The following TPM4 variants were observed in gnomAD, a reference collection of about 807,000 sequenced individuals.
TPM4 encodes tropomyosin alpha-4 chain.
TPM4 carries 17 observed loss-of-function variants against 35.8 expected under a neutral mutation model. That is an observed-to-expected ratio of 0.47 (90% CI 0.32 to 0.71). The LOEUF (loss-of-function observed/expected upper bound fraction) is 0.71. TPM4 is among the 30% of genes least tolerant of loss of function. TPM4 has a pLI of 0.03. For missense variants in TPM4, 240 were observed against 320.9 expected, an observed-to-expected ratio of 0.75 and a Z score of 1.93; for synonymous variants, 120 against 122.9, an observed-to-expected ratio of 0.98 and a Z score of 0.15.
At chr19:16,084,842 G>A (rs2090528321) in intron 2 of TPM4, among the ~76,000 whole-genome samples, 2 of 152,208 alleles carry the variant, frequency 1.3e-5, no homozygotes, top group South Asian at 4.1e-4. Flanking sequence ...GACACCCCAC[G>A]TGAACATATT....
At chr19:16,068,572 G>A (rs903910752) in intron 2 of TPM4, among the ~76,000 whole-genome samples, 1 of 152,152 alleles carries the variant, frequency 6.6e-6, no homozygotes, top group African/African-American at 2.4e-5. Context: ...GTGTCTGTGT[G>A]TACATGTATT....
intron 1 of TPM4, chr19:16,080,069 G>A (rs904333998): frequency 3.7e-5 from 7 of 189,440 alleles, no homozygotes; most frequent in African/African-American, 1.4e-4. Context: ...GAAAAAGCTA[G>A]CGTGGCTTCC....
At position 16,099,234 on chromosome 19, in the gene TPM4, C is replaced by A. The variant is rs570576575; in HGVS notation, c.665-2030C>A. Reference sequence around the variant, plus strand: ...AGCTGGGATTACAGGTGTGCGCCACCACACCCGGCTAATTTTTTGTATTTT... The same window carrying A: ...AGCTGGGATTACAGGTGTGCGCCACAACACCCGGCTAATTTTTTGTATTTT... On this transcript the variant is annotated intron_variant, in intron 7 of 7. Transcript: ENST00000643579. Among the ~76,000 whole-genome samples, 242 of 152,168 alleles carry A rather than the reference C, an allele frequency of 1.6e-3. 1 individual carries two copies. Among genetic ancestry groups the A allele is most frequent in the African/African-American group, 4.7e-3 (196 of 41,530 alleles).
Position 16,094,396 on chromosome 19 carries a change from G to A in TPM4, c.664+643G>A, listed in dbSNP as rs190340106. On this transcript the variant is annotated intron_variant, in intron 7 of 7. Transcript: ENST00000643579. Reference sequence around the variant, plus strand: ...CAAAAATAGAAAAAATTAGCCAGGCGTGGTGGTGCACGCCTGTAATCCTAG... The same window carrying A: ...CAAAAATAGAAAAAATTAGCCAGGCATGGTGGTGCACGCCTGTAATCCTAG... 4.9e-3 allele frequency among the ~76,000 whole-genome samples: 746 copies of A among 151,902 alleles called. 4 individuals carry two copies. Among genetic ancestry groups the A allele is most frequent in the South Asian group, 9.4e-3 (45 of 4,800 alleles).
At chr19:16,074,269 A>G (rs749141837), upstream of TPM4, 3 of 152,268 alleles carry the variant, frequency 2.0e-5, no homozygotes, top group East Asian at 3.9e-4. Context: ...TCAGGCAGTT[A>G]TAACAAAACA....
chr19:16,081,132 A>G (rs1311481910), intron 1 of TPM4: 3 of 398,354 alleles, frequency 7.5e-6, no homozygotes, highest in African/African-American at 6.2e-5. Flanking sequence ...TTATCTTGCC[A>G]TTCAGGTGAA....
intron 7 of TPM4, chr19:16,095,421 G>A (rs1003114408): frequency 1.9e-5 from 20 of 1,030,216 alleles, no homozygotes; most frequent in East Asian, 6.1e-5. Context: ...TAGGAGCTCC[G>A]GTGGCCTGCC....
upstream of TPM4, chr19:16,076,489 G>A: frequency 7.5e-7 from 1 of 1,333,022 alleles, no homozygotes; most frequent in Non-Finnish European, 9.5e-7. Context: ...GGGCCGGGGC[G>A]CGGCTGTGCA....
At chr19:16,093,977 A>G (rs563752607) in intron 7 of TPM4, among the ~76,000 whole-genome samples, 3 of 58,352 alleles carry the variant, frequency 5.1e-5, no homozygotes, top group African/African-American at 1.4e-4. Flanking sequence ...TTTTTTTTCT[A>G]TGAGACGGAG....
At chr19:16,088,826 T>TA in intron 4 of TPM4, 1 of 1,331,742 alleles carries the variant, frequency 7.5e-7, no homozygotes. Context: ...CAAATACTCT[T>TA]CGGGCGCACC....
chr19:16,071,570 C>G (rs546578336), upstream of TPM4, among the ~76,000 whole-genome samples: 3 of 152,216 alleles, frequency 2.0e-5, no homozygotes, highest in Admixed American at 6.5e-5. Context: ...AATGGGAACA[C>G]GTGAGGCCTT....
At chr19:16,088,308 C>A (rs546839845) in intron 4 of TPM4, 24 of 1,392,522 alleles carry the variant, frequency 1.7e-5, no homozygotes, top group African/African-American at 2.9e-5. Context: ...ACGTGTTGAC[C>A]CTTTCTGCAA....
chr19:16,076,274 G>A (rs1157647351), upstream of TPM4: 1 of 1,525,668 alleles, frequency 6.6e-7, no homozygotes, highest in Non-Finnish European at 8.8e-7. Context: ...AGGAGGAGGA[G>A]AAGGCGGCGC....
At chr19:16,087,044 G>A (rs943309290) in intron 3 of TPM4, among the ~76,000 whole-genome samples, 9 of 152,150 alleles carry the variant, frequency 5.9e-5, no homozygotes, top group African/African-American at 1.4e-4. Context: ...CACTTCGACC[G>A]AGGCGGGAGG....
rs2090408718 is a variant in TPM4, at chr19:16,076,545, G to A, written c.-21G>A. The A allele has an allele frequency of 4.9e-6, 7 of 1,439,890 alleles. No individual in the cohort carries two copies. Among genetic ancestry groups the A allele is most frequent in the South Asian group, 1.3e-5 (1 of 74,712 alleles). 89.2% of individuals were successfully genotyped at this position (1,439,890 alleles called of 1,614,324 possible). A position where few individuals can be genotyped will look rare whatever the true frequency, so the allele number is the denominator to read the frequency against. On this transcript the variant is annotated 5_prime_UTR_variant, in exon 1 of 8. Coordinates refer to ENST00000643579, the MANE Select transcript of TPM4 (RefSeq NM_003290.3). ...CAGCCGAGCGTCCGCCGCTGCCCGT[G>A]CGCCTCTGCGCCTCCGCGCCATGGC...
intron 2 of TPM4, among the ~76,000 whole-genome samples, chr19:16,084,353 A>G (rs1159253983): frequency 6.6e-6 from 1 of 152,242 alleles, no homozygotes; most frequent in African/African-American, 2.4e-5. Flanking sequence ...AACAGACGCT[A>G]CTGCAGACTC....
At chr19:16,088,275 T>C (rs2090584032) in intron 4 of TPM4, 178 bp downstream of exon 4, 24 of 1,412,422 alleles carry the variant, frequency 1.7e-5, no homozygotes, top group Non-Finnish European at 1.9e-5. Flanking sequence ...GACTTGTTCT[T>C]ACTGCCATGG....
chr19:16,068,172 G>A (rs1454564286), intron 2 of TPM4, among the ~76,000 whole-genome samples: 3 of 30,646 alleles, frequency 9.8e-5, no homozygotes, highest in Non-Finnish European at 2.4e-4. Context: ...ATGTGTGCGT[G>A]TGTGTGTGTG....
intron 5 of TPM4, among the ~76,000 whole-genome samples, chr19:16,089,914 A>C (rs1245344767): frequency 6.6e-6 from 1 of 151,702 alleles, no homozygotes; most frequent in African/African-American, 2.4e-5. Context: ...GCTGGAGTGA[A>C]GTGGCGTGAT....
Sources: gnomAD v4.1 joint callset for allele counts (sites outside exome capture counted in the v4.1 genomes callset) on GRCh38, gnomAD v4.1.1 for gene constraint, MANE v1.5 for transcripts, NCBI Gene and HGNC (gene_info 2026-07-23, HGNC 2026-07-21) for gene names.